The following KLHDC1 variants were observed in gnomAD, a reference collection of about 807,000 sequenced individuals.
KLHDC1 encodes the protein kelch domain containing 1.
KLHDC1 carries 53 observed loss-of-function variants against 68.3 expected under a neutral mutation model. That is an observed-to-expected ratio of 0.78 (90% CI 0.62 to 0.98). The LOEUF is 0.98. Ranked by LOEUF, KLHDC1 falls within the 50% of genes least tolerant of loss-of-function variation. KLHDC1 has a pLI of 0.00. For synonymous variants in KLHDC1, 148 were observed against 159.0 expected, an observed-to-expected ratio of 0.93 and a Z score of 0.52; for missense variants, 470 against 492.3, an observed-to-expected ratio of 0.95 and a Z score of 0.43.
At chr14:49,744,720 A>G (rs1215496409) in intron 12 of KLHDC1, among the ~76,000 whole-genome samples, 1 of 152,182 alleles carries the variant, frequency 6.6e-6, no homozygotes, top group African/African-American at 2.4e-5. Context: ...AATAATTACA[A>G]GAAAAAAAAA....
At chr14:49,699,585 A>G (rs2139728457) in intron 1 of KLHDC1, among the ~76,000 whole-genome samples, 1 of 152,354 alleles carries the variant, frequency 6.6e-6, no homozygotes, top group East Asian at 1.9e-4. Context: ...GTTCTAGATT[A>G]TATATTCCAG....
chr14:49,694,882 C>T (rs1015175825), intron 1 of KLHDC1, among the ~76,000 whole-genome samples: 2 of 152,080 alleles, frequency 1.3e-5, no homozygotes, highest in Non-Finnish European at 2.9e-5. Flanking sequence ...ACTGTACATA[C>T]CTAATTTCAA....
intron 1 of KLHDC1, among the ~76,000 whole-genome samples, chr14:49,704,433 GC>G (rs1273959108): frequency 1.9e-5 from 2 of 104,968 alleles, no homozygotes; most frequent in African/African-American, 7.5e-5. Flanking sequence ...TCGCTTTGTC[GC>G]CCCGGCTGGA....
At chr14:49,698,253 G>C (rs1447591875) in intron 1 of KLHDC1, among the ~76,000 whole-genome samples, 1 of 152,162 alleles carries the variant, frequency 6.6e-6, no homozygotes, top group African/African-American at 2.4e-5. Flanking sequence ...GCCCAGGCTG[G>C]AGTGCAGTGG....
At chr14:49,698,001 T>A (rs1887791767) in intron 1 of KLHDC1, among the ~76,000 whole-genome samples, 1 of 152,344 alleles carries the variant, frequency 6.6e-6, no homozygotes, top group South Asian at 2.1e-4. Flanking sequence ...TATGAGTGTC[T>A]GATATTTCCA....
At chr14:49,711,088 G>C (rs1474442557) in intron 4 of KLHDC1, among the ~76,000 whole-genome samples, 1 of 152,130 alleles carries the variant, frequency 6.6e-6, no homozygotes, top group East Asian at 1.9e-4. Flanking sequence ...TGCCTCCCGG[G>C]TTCAAGCGAT....
chr14:49,699,050 G>C (rs1439119222), intron 1 of KLHDC1, among the ~76,000 whole-genome samples: 13 of 151,010 alleles, frequency 8.6e-5, no homozygotes, highest in African/African-American at 3.2e-4. Context: ...TGTAATCCCA[G>C]CTAATCTGGA....
chr14:49,710,452 A>T (rs1380412068), intron 4 of KLHDC1, 71 bp downstream of exon 4: 4 of 825,298 alleles, frequency 4.8e-6, no homozygotes, highest in Non-Finnish European at 8.3e-6. Flanking sequence ...TAAAATACAG[A>T]ATGCTTAAAG....
chr14:49,699,529 T>C (rs1040059300), intron 1 of KLHDC1, among the ~76,000 whole-genome samples: 1 of 152,176 alleles, frequency 6.6e-6, no homozygotes, highest in Non-Finnish European at 1.5e-5. Flanking sequence ...GGCCCTGGGA[T>C]CTGGTGGTAT....
chr14:49,698,405 T>C (rs1432778195), intron 1 of KLHDC1, among the ~76,000 whole-genome samples: 1 of 151,970 alleles, frequency 6.6e-6, no homozygotes, highest in Non-Finnish European at 1.5e-5. Context: ...GGTTTCACCA[T>C]GTTGGCCAGG....
At chr14:49,724,628 T>C (rs1888619847) in intron 5 of KLHDC1, among the ~76,000 whole-genome samples, 1 of 152,106 alleles carries the variant, frequency 6.6e-6, no homozygotes, top group African/African-American at 2.4e-5. Context: ...TCCCCATGTT[T>C]CTATGTTGTT....
At chr14:49,713,594 A>G (rs1888265640) in intron 4 of KLHDC1, among the ~76,000 whole-genome samples, 1 of 151,466 alleles carries the variant, frequency 6.6e-6, no homozygotes, top group African/African-American at 2.4e-5. Flanking sequence ...GATTTGAAAT[A>G]TTTGATGTCG....
At chr14:49,748,865 A>G (rs938656139) in intron 12 of KLHDC1, among the ~76,000 whole-genome samples, 1 of 151,678 alleles carries the variant, frequency 6.6e-6, no homozygotes, top group East Asian at 1.9e-4. Flanking sequence ...CAGTGGCGCA[A>G]TCTTGGCTCA....
At chr14:49,709,672 T>C in intron 2 of KLHDC1, 37 bp from the exon 3 acceptor site, 1 of 1,233,152 alleles carries the variant, frequency 8.1e-7, no homozygotes. Flanking sequence ...TTTGCCTTTC[T>C]GGAAAGTTAT....
intron 6 of KLHDC1, among the ~76,000 whole-genome samples, chr14:49,726,046 C>T (rs1888664530): frequency 6.6e-6 from 1 of 152,100 alleles, no homozygotes; most frequent in Non-Finnish European, 1.5e-5. Flanking sequence ...CGGAATTTTG[C>T]CATGTTGGCC....
chr14:49,700,895 A>G (rs1278472744), intron 1 of KLHDC1, among the ~76,000 whole-genome samples: 1 of 152,172 alleles, frequency 6.6e-6, no homozygotes, highest in African/African-American at 2.4e-5. Flanking sequence ...AGCCTGGCCA[A>G]CACGGTGAAA....
chr14:49,740,419 G>A (rs1276556289), intron 11 of KLHDC1, among the ~76,000 whole-genome samples: 1 of 151,948 alleles, frequency 6.6e-6, no homozygotes, highest in African/African-American at 2.4e-5. Context: ...CTCACTGCAA[G>A]CTCTGCCTCC....
intron 1 of KLHDC1, among the ~76,000 whole-genome samples, chr14:49,696,215 A>G (rs1278096890): frequency 2.0e-5 from 3 of 147,448 alleles, no homozygotes; most frequent in Non-Finnish European, 4.5e-5. Context: ...AGAGTTGCCC[A>G]GGCTGTGGTG....
At position 49,702,575 on chromosome 14, in the gene KLHDC1, A is replaced by C. The variant is rs571811645; in HGVS notation, c.97-6584A>C. On this transcript the variant is annotated intron_variant, in intron 1 of 12. Coordinates refer to ENST00000359332, the MANE Select transcript of KLHDC1 (RefSeq NM_172193.3). Reference sequence around the variant, plus strand: ...CTTTCTCTATTTGTGGTATTCCCCTAGTGAGTGAATATTGTCAGGGTATTT... The same window carrying C: ...CTTTCTCTATTTGTGGTATTCCCCTCGTGAGTGAATATTGTCAGGGTATTT... Among the ~76,000 whole-genome samples the C allele has an allele frequency of 2.6e-4, 39 of 152,306 alleles. 1 individual carries two copies. The South Asian group carries it at 7.3e-3, about 28-fold the overall frequency.
Sources: gnomAD v4.1 joint callset for allele counts (sites outside exome capture counted in the v4.1 genomes callset) on GRCh38, gnomAD v4.1.1 for gene constraint, MANE v1.5 for transcripts, NCBI Gene and HGNC (gene_info 2026-07-23, HGNC 2026-07-21) for gene names.